SHISA6: variants seen among roughly 807,000 people sequenced by gnomAD.
SHISA6 encodes protein shisa-6.
SHISA6 carries 22 observed loss-of-function variants against 47.9 expected under a neutral mutation model. The ratio of observed to expected loss-of-function variants is 0.46; its 90% CI spans 0.33 to 0.66. The LOEUF (loss-of-function observed/expected upper bound fraction) is 0.66. SHISA6 is among the 30% of genes least tolerant of loss of function. The pLI, the probability that SHISA6 is intolerant of heterozygous loss-of-function variation, is 0.02. For missense variants in SHISA6, 680 were observed against 764.6 expected, an observed-to-expected ratio of 0.89 and a Z score of 1.30; for synonymous variants, 388 against 337.8, an observed-to-expected ratio of 1.15 and a Z score of -1.63.
intron 3 of SHISA6, among the ~76,000 whole-genome samples, chr17:11,406,641 T>C (rs1913971225): frequency 6.6e-6 from 1 of 152,202 alleles, no homozygotes; most frequent in African/African-American, 2.4e-5. Context: ...CTTGCCAATC[T>C]CTCAATCTAT....
At chr17:11,310,934 C>G (rs1489966770) in intron 2 of SHISA6, among the ~76,000 whole-genome samples, 1 of 151,954 alleles carries the variant, frequency 6.6e-6, no homozygotes, top group African/African-American at 2.4e-5. Context: ...TGGTGAAACC[C>G]TGTCTCTACT....
chr17:11,506,105 T>C (rs77189918), intron 3 of SHISA6, among the ~76,000 whole-genome samples: 1,537 of 152,346 alleles, frequency 0.01, 13 homozygotes, highest in Middle Eastern at 0.024. Flanking sequence ...GGGATTATGT[T>C]CTCAAGTGAA....
chr17:11,353,470 A>G lies in SHISA6; in HGVS notation c.800-25944A>G, dbSNP rs1453346184. On this transcript the variant is annotated intron_variant, in intron 2 of 5. Transcript: ENST00000441885. Reference sequence around the variant, plus strand: ...GACTCCGTCTAAAAAAAAAAAAAAAAGGGTGAGGCGGGGGGTCCTCAACCA... The same window carrying G: ...GACTCCGTCTAAAAAAAAAAAAAAAGGGGTGAGGCGGGGGGTCCTCAACCA... Among the ~76,000 whole-genome samples the G allele has an allele frequency of 2.7e-5, 4 of 147,234 alleles. No individual in the cohort carries two copies. In the South Asian group the frequency reaches 6.4e-4, roughly 23 times the overall value.
At chr17:11,415,032 C>T (rs1003427113) in intron 3 of SHISA6, among the ~76,000 whole-genome samples, 3 of 150,782 alleles carry the variant, frequency 2.0e-5, no homozygotes, top group Non-Finnish European at 4.4e-5. Context: ...GAGCTGAGAT[C>T]GTGCCATTGC....
Position 11,324,942 on chromosome 17 carries a change from C to G in SHISA6, c.800-54472C>G, listed in dbSNP as rs568756763. ...GCCTATCTGGTCCCTGGAGCCCTCC[C>G]CACCTCATTGGTTCTGCCCCAGATC... is the stretch of plus-strand genomic sequence containing the variant. On this transcript the variant is annotated intron_variant, in intron 2 of 5. Transcript: ENST00000441885. Among the ~76,000 whole-genome samples the G allele has an allele frequency of 1.1e-3, 160 of 152,254 alleles. 1 individual carries two copies. Among genetic ancestry groups the G allele is most frequent in the Admixed American group, 3.9e-3 (59 of 15,290 alleles).
At chr17:11,432,087 T>C (rs919463484) in intron 3 of SHISA6, among the ~76,000 whole-genome samples, 1 of 152,170 alleles carries the variant, frequency 6.6e-6, no homozygotes, top group African/African-American at 2.4e-5. Context: ...ATAAAACCAA[T>C]ATTGGGTTCT....
chr17:11,551,445 A>C (rs1419041096), intron 3 of SHISA6, among the ~76,000 whole-genome samples: 1 of 152,176 alleles, frequency 6.6e-6, no homozygotes, highest in African/African-American at 2.4e-5. Context: ...TTAGGGACAA[A>C]TCAGAGTCCT....
At chr17:11,297,048 A>T (rs1280771378) in intron 2 of SHISA6, among the ~76,000 whole-genome samples, 2 of 152,156 alleles carry the variant, frequency 1.3e-5, no homozygotes, top group Admixed American at 1.3e-4. Flanking sequence ...AAAGAGGTGG[A>T]TGAGGAGAAG....
Position 11,482,311 on chromosome 17 carries a change from A to T in SHISA6, c.896-69585A>T, listed in dbSNP as rs115132429. ...ATTTAAAAAGAAAATAAAGTTATCTACAAAGGAACATAAGTTACATTTGCC... is the reference window on the plus strand; with the variant it reads ...ATTTAAAAAGAAAATAAAGTTATCTTCAAAGGAACATAAGTTACATTTGCC... On this transcript the variant is annotated intron_variant, in intron 3 of 5. Coordinates refer to ENST00000441885, the MANE Select transcript of SHISA6 (RefSeq NM_207386.4). Among the ~76,000 whole-genome samples, 588 of 152,376 alleles carry T rather than the reference A, an allele frequency of 3.9e-3. 4 individuals carry two copies. Among genetic ancestry groups the T allele is most frequent in the African/African-American group, 0.013 (554 of 41,598 alleles).
chr17:11,443,096 G>A (rs1384615975), intron 3 of SHISA6, among the ~76,000 whole-genome samples: 1 of 152,210 alleles, frequency 6.6e-6, no homozygotes, highest in Non-Finnish European at 1.5e-5. Flanking sequence ...TATTTGAGTG[G>A]AGGTTGCATT....
intron 2 of SHISA6, among the ~76,000 whole-genome samples, chr17:11,373,473 C>T (rs779161067): frequency 1.3e-5 from 2 of 152,044 alleles, no homozygotes; most frequent in African/African-American, 2.4e-5. Flanking sequence ...AGAGAAGTAC[C>T]TTTTATACTT....
At chr17:11,410,895 G>A (rs1914094986) in intron 3 of SHISA6, among the ~76,000 whole-genome samples, 1 of 152,166 alleles carries the variant, frequency 6.6e-6, no homozygotes, top group Non-Finnish European at 1.5e-5. Flanking sequence ...TCAGAACACT[G>A]GTCTAGCCTG....
At position 11,427,532 on chromosome 17, in the gene SHISA6, C is replaced by A. The variant is rs556594676; in HGVS notation, c.895+48023C>A. Among the ~76,000 whole-genome samples the A allele has an allele frequency of 3.9e-5, 6 of 152,306 alleles. No homozygotes were observed. In the East Asian group the frequency reaches 1.2e-3, roughly 29 times the overall value. ...TCCATCCCAAACCATTATACCGACA[C>A]CCTCAGTGCTGAACTGGCCAGACCT... On this transcript the variant is annotated intron_variant, in intron 3 of 5. Transcript: ENST00000441885.
At chr17:11,476,711 A>G (rs1171613219) in intron 3 of SHISA6, among the ~76,000 whole-genome samples, 3 of 151,898 alleles carry the variant, frequency 2.0e-5, no homozygotes, top group Non-Finnish European at 4.4e-5. Flanking sequence ...CTCCATGTGA[A>G]CTTGAGAGAA....
chr17:11,302,253 G>T (rs1437100377), intron 2 of SHISA6, among the ~76,000 whole-genome samples: 1 of 152,140 alleles, frequency 6.6e-6, no homozygotes, highest in Admixed American at 6.5e-5. Context: ...TTCAAATTTT[G>T]TCAGGCTCAG....
At chr17:11,312,228 T>A (rs1023450395) in intron 2 of SHISA6, among the ~76,000 whole-genome samples, 2 of 152,192 alleles carry the variant, frequency 1.3e-5, no homozygotes, top group South Asian at 4.1e-4. Flanking sequence ...TTCTCTTCAT[T>A]TCCCTGAGTT....
At chr17:11,480,825 C>T (rs914440186) in intron 3 of SHISA6, among the ~76,000 whole-genome samples, 13 of 152,092 alleles carry the variant, frequency 8.5e-5, no homozygotes, top group African/African-American at 3.1e-4. Context: ...AGAAGGTCCC[C>T]GAGGAGAACC....
chr17:11,353,193 T>G (rs910853686), intron 2 of SHISA6, among the ~76,000 whole-genome samples: 3 of 152,124 alleles, frequency 2.0e-5, no homozygotes, highest in African/African-American at 7.2e-5. Context: ...GCACGGTGGC[T>G]TACACCTGTA....
At chr17:11,289,784 A>T (rs934871094) in intron 2 of SHISA6, 2 of 152,068 alleles carry the variant, frequency 1.3e-5, no homozygotes, top group Non-Finnish European at 2.9e-5. Flanking sequence ...ATCAGTGATT[A>T]TATACCTTTT....
Sources: allele counts gnomAD v4.1 joint callset (sites outside exome capture counted in the v4.1 genomes callset), GRCh38; gene constraint gnomAD v4.1.1; transcripts MANE v1.5; gene names NCBI Gene and HGNC (gene_info 2026-07-23, HGNC 2026-07-21).